SLC1A1: variants seen among roughly 807,000 people sequenced by gnomAD.
The protein encoded by SLC1A1 is excitatory amino acid transporter 3.
In SLC1A1, 43 loss-of-function variants were observed where a neutral mutation model predicts 53.3. The observed-to-expected ratio is 0.81, with a 90% CI of 0.63 to 1.04. The LOEUF is 1.04. Among genes scored for constraint, SLC1A1 ranks in the 50% least tolerant of loss-of-function variants. The pLI is 0.00. For missense variants in SLC1A1, 748 were observed against 664.9 expected (o/e 1.12, Z -1.37); for synonymous variants, 307 against 243.2 (o/e 1.26, Z -2.44).
In SLC1A1 at chr9:4,576,720, T is replaced by A. The variant is rs751848390; in HGVS notation, c.1150T>A (p.Leu384Met). 1.9e-6 allele frequency: 3 copies of A among 1,614,090 alleles called. No homozygotes were observed. The African/African-American group carries it at 4.0e-5, about 22-fold the overall frequency. The change falls in exon 10 of 12, where the codon TTG becomes ATG. Residue 384 changes from leucine to methionine, a missense_variant. Transcript: ENST00000262352. ...EAVAAVFIAQ[L>M]NDLDLGIGQI... ...AGTGGCAGCGGTGTTTATTGCACAGTTGAATGACCTGGACTTGGGCATTGG... is the reference window on the plus strand; with the variant it reads ...AGTGGCAGCGGTGTTTATTGCACAGATGAATGACCTGGACTTGGGCATTGG...
In SLC1A1 at chr9:4,585,788, C is replaced by T. The variant is rs1721891502; in HGVS notation, c.*230C>T. 2.5e-5 allele frequency: 14 copies of T among 556,480 alleles called. No homozygotes were observed. In the Admixed American group the frequency reaches 4.4e-4, roughly 17 times the overall value. The allele number at this position is 556,480 out of a possible 1,614,324, so 34.5% of individuals were successfully genotyped here. ...TCAATTTAAAGGAAAGTTCTATTAT[C>T]TGGGTTTTAGAAATTCTATAAGAGA... On this transcript the variant is annotated 3_prime_UTR_variant, in exon 12 of 12. Coordinates refer to ENST00000262352, the MANE Select transcript of SLC1A1 (RefSeq NM_004170.6).
intron 4 of SLC1A1, among the ~76,000 whole-genome samples, chr9:4,565,560 G>C (rs929108385): frequency 6.6e-6 from 1 of 152,260 alleles, no homozygotes; most frequent in South Asian, 2.1e-4. Context: ...CTAACAACCA[G>C]ATCTTGTGAG....
At chr9:4,531,568 C>T (rs993797731) in intron 1 of SLC1A1, among the ~76,000 whole-genome samples, 5 of 152,186 alleles carry the variant, frequency 3.3e-5, no homozygotes, top group African/African-American at 1.2e-4. Flanking sequence ...GAAGCTCGAA[C>T]TGGGTGGAGC....
At chr9:4,497,491 T>C (rs1167597083) in intron 1 of SLC1A1, among the ~76,000 whole-genome samples, 1 of 152,160 alleles carries the variant, frequency 6.6e-6, no homozygotes, top group African/African-American at 2.4e-5. Flanking sequence ...GTGAATACAT[T>C]TGTTGAATTG....
intron 7 of SLC1A1, 128 bp from the exon 8 acceptor site, chr9:4,573,779 C>T: frequency 1.3e-6 from 1 of 763,648 alleles, no homozygotes; most frequent in Non-Finnish European, 2.4e-6. Flanking sequence ...CTTCAATTCC[C>T]ATCCTGTGCT....
intron 1 of SLC1A1, among the ~76,000 whole-genome samples, chr9:4,527,523 A>G (rs1003604167): frequency 2.0e-5 from 3 of 152,170 alleles, no homozygotes; most frequent in Non-Finnish European, 4.4e-5. Flanking sequence ...ACTATGATCA[A>G]TACACTAGAC....
At chr9:4,569,060 G>C (rs1462549271) in intron 6 of SLC1A1, among the ~76,000 whole-genome samples, 1 of 152,134 alleles carries the variant, frequency 6.6e-6, no homozygotes, top group Non-Finnish European at 1.5e-5. Flanking sequence ...CAGGAATAGA[G>C]AGAGTCGACC....
intron 1 of SLC1A1, among the ~76,000 whole-genome samples, chr9:4,534,761 G>T (rs1392148879): frequency 1.3e-5 from 2 of 152,028 alleles, no homozygotes; most frequent in African/African-American, 4.8e-5. Context: ...CAAAGAAAGA[G>T]AATTTTAGAC....
intron 2 of SLC1A1, 93 bp downstream of exon 2, chr9:4,544,800 G>C (rs576426062): frequency 1.8e-6 from 2 of 1,088,264 alleles, no homozygotes; most frequent in African/African-American, 3.1e-5. Flanking sequence ...AAGGAAAGAG[G>C]TTTAATTGAC....
At chr9:4,524,199 T>C (rs1816182910) in intron 1 of SLC1A1, among the ~76,000 whole-genome samples, 1 of 152,256 alleles carries the variant, frequency 6.6e-6, no homozygotes, top group Admixed American at 6.5e-5. Flanking sequence ...TGTAGCAAGA[T>C]TGTTCCTATA....
rs2129903224 is a variant in SLC1A1, at chr9:4,585,709, C to T, written c.*151C>T. 1.0e-6 allele frequency: 1 copy of T among 1,001,242 alleles called. No individual in the cohort carries two copies. The highest frequency in any genetic ancestry group is 2.6e-5 in the East Asian group (1 of 39,054). The allele number at this position is 1,001,242 out of a possible 1,614,324, so 62.0% of individuals were successfully genotyped here. ...AGATTATTTTCTATATTTGGATTCA[C>T]AGCCTTTGCGCTCTGGGTTTTGGGA... On this transcript the variant is annotated 3_prime_UTR_variant, in exon 12 of 12. Transcript: ENST00000262352.
chr9:4,492,777 C>G (rs1202589182), intron 1 of SLC1A1, among the ~76,000 whole-genome samples: 1 of 149,720 alleles, frequency 6.7e-6, no homozygotes, highest in East Asian at 2.0e-4. Flanking sequence ...GCCTGGGCAA[C>G]AAGAATGAGA....
chr9:4,568,736 T>C (rs1650815691), intron 6 of SLC1A1, among the ~76,000 whole-genome samples: 2 of 151,772 alleles, frequency 1.3e-5, no homozygotes, highest in African/African-American at 2.4e-5. Flanking sequence ...AAGCATCATA[T>C]TGAAGTGGTC....
At chr9:4,546,991 T>A (rs1400857265) in intron 2 of SLC1A1, among the ~76,000 whole-genome samples, 1 of 152,178 alleles carries the variant, frequency 6.6e-6, no homozygotes, top group East Asian at 1.9e-4. Context: ...TTGATCCAAA[T>A]TATGCAGCAA....
At chr9:4,573,391 C>A (rs1444842778) in intron 7 of SLC1A1, among the ~76,000 whole-genome samples, 1 of 152,152 alleles carries the variant, frequency 6.6e-6, no homozygotes, top group Non-Finnish European at 1.5e-5. Flanking sequence ...AGGAGAAGTA[C>A]ATTAAATGAA....
At chr9:4,542,155 A>G (rs199588651) in intron 1 of SLC1A1, among the ~76,000 whole-genome samples, 1 of 147,168 alleles carries the variant, frequency 6.8e-6, no homozygotes, top group African/African-American at 2.6e-5. Context: ...TTAGAAAGGA[A>G]AGGAGAGGGG....
At chr9:4,581,399 G>T (rs1024576671) in intron 10 of SLC1A1, among the ~76,000 whole-genome samples, 2 of 152,198 alleles carry the variant, frequency 1.3e-5, no homozygotes, top group African/African-American at 4.8e-5. Context: ...CCATCTGAAG[G>T]TTCATAGTTC....
chr9:4,507,352 TCA>T (rs1178799088), intron 1 of SLC1A1, among the ~76,000 whole-genome samples: 1 of 152,196 alleles, frequency 6.6e-6, no homozygotes, highest in Admixed American at 6.5e-5. Flanking sequence ...CCAGATGCAT[TCA>T]CAGTCATTTC....
At chr9:4,555,989 T>C (rs560938944) in intron 2 of SLC1A1, among the ~76,000 whole-genome samples, 2,769 of 66,564 alleles carry the variant, frequency 0.042, 46 homozygotes, top group South Asian at 0.058. Context: ...ATACTAGCCC[T>C]ATTTTTTTTT....
Sources: allele counts gnomAD v4.1 joint callset (sites outside exome capture counted in the v4.1 genomes callset), GRCh38; gene constraint gnomAD v4.1.1; transcripts MANE v1.5; gene names NCBI Gene and HGNC (gene_info 2026-07-23, HGNC 2026-07-21).